The following NRXN1 variants were observed in gnomAD, a reference collection of about 807,000 sequenced individuals.
NRXN1 encodes the protein neurexin-1.
NRXN1 carries 39 observed loss-of-function variants against 150.9 expected under a neutral mutation model. That is an observed-to-expected ratio of 0.26 (90% CI 0.20 to 0.34). The LOEUF is 0.34. Ranked by LOEUF, NRXN1 falls within the 10% of genes least tolerant of loss-of-function variation. The probability of loss-of-function intolerance (pLI) is 1.00; values close to 1 mark genes in which losing one functional copy is unlikely to be tolerated. For missense variants in NRXN1, 1,815 were observed against 1,949.9 expected (o/e 0.93, Z 1.30); for synonymous variants, 924 against 757.0 (o/e 1.22, Z -3.62).
intron 22 of NRXN1, among the ~76,000 whole-genome samples, chr2:49,943,308 G>A (rs1023333605): frequency 2.0e-5 from 3 of 152,068 alleles, no homozygotes; most frequent in African/African-American, 7.2e-5. Context: ...GTGAGTGGTG[G>A]GGACTTTTTG....
rs1034140795 is a variant in NRXN1, at chr2:50,825,710, T to G, written c.832+96159A>C. ...ACTTCTGTGAGCTGCTCTCGCAAATTAATGGAACCCAAGGATGGGGTCTAC... is the reference window on the plus strand; with the variant it reads ...ACTTCTGTGAGCTGCTCTCGCAAATGAATGGAACCCAAGGATGGGGTCTAC... On this transcript the variant is annotated intron_variant, in intron 5 of 22. Transcript: ENST00000401669. 5.3e-5 allele frequency among the ~76,000 whole-genome samples: 8 copies of G among 152,202 alleles called. 1 individual carries two copies. The highest frequency in any genetic ancestry group is 1.2e-4 in the Non-Finnish European group (8 of 68,042).
intron 21 of NRXN1, among the ~76,000 whole-genome samples, chr2:50,008,850 T>C (rs1685183260): frequency 6.6e-6 from 1 of 152,118 alleles, no homozygotes; most frequent in East Asian, 1.9e-4. Flanking sequence ...ACAAGCTTAC[T>C]CTACATTATA....
chr2:50,441,889 T>C lies in NRXN1; in HGVS notation c.3364+23553A>G, dbSNP rs150467236. Among the ~76,000 whole-genome samples the C allele has an allele frequency of 1.3e-4, 20 of 152,308 alleles. No individual in the cohort carries two copies. In the East Asian group the frequency reaches 3.9e-3, roughly 29 times the overall value. ...CAGATACACCTACTATTCAATTCTG[T>C]ATTGTCAAAAATCTTGGAAAGAATC... On this transcript the variant is annotated intron_variant, in intron 17 of 22. Coordinates refer to ENST00000401669, the MANE Select transcript of NRXN1 (RefSeq NM_001330078.2).
In NRXN1 at chr2:51,028,086, G is replaced by A. The variant is rs1007566859; in HGVS notation, c.188C>T (p.Ala63Val). Residue 63 changes from alanine (A) to valine (V), a missense_variant, in exon 2 of 23, where the codon GCC becomes GTC. Ala to Val is a moderately conservative substitution (Grantham distance 64). Around this residue, in one of 6 missense-constraint regions of NRXN1, gnomAD observed 554 missense variants for 478.8 expected, o/e 1.16. Coordinates refer to ENST00000401669, the MANE Select transcript of NRXN1 (RefSeq NM_001330078.2). Reference protein sequence around the residue: ...EMSFQLKTRSARGLVLYFDDE... With the variant: ...EMSFQLKTRSVRGLVLYFDDE... ...GTCGAAGTAGAGCACGAGGCCGCGGGCGCTGCGAGTCTTGAGCTGGAAGCT... is the reference window on the plus strand; with the variant it reads ...GTCGAAGTAGAGCACGAGGCCGCGGACGCTGCGAGTCTTGAGCTGGAAGCT... The A allele has an allele frequency of 3.8e-6, 6 of 1,586,590 alleles. No homozygotes were observed. The highest frequency in any genetic ancestry group is 2.3e-5 in the East Asian group (1 of 44,122).
At chr2:50,466,325 C>A in intron 16 of NRXN1, 1 of 365,310 alleles carries the variant, frequency 2.7e-6, no homozygotes, top group Non-Finnish European at 5.4e-6. Context: ...GCTTCTTGCA[C>A]AACGTTCAAG....
intron 5 of NRXN1, among the ~76,000 whole-genome samples, chr2:50,768,538 C>T (rs549041224): frequency 6.6e-6 from 1 of 151,838 alleles, no homozygotes; most frequent in South Asian, 2.1e-4. Context: ...AACTCCTGAG[C>T]TCAAGTGATC....
Position 50,459,390 on chromosome 2 carries a change from G to A in NRXN1, c.3364+6052C>T, listed in dbSNP as rs116508076. The stretch of plus-strand genomic sequence containing the variant: ...TAAACTTGTGTCACATGGGTTTGTT[G>A]TACAGATCACTTCATCACCCAGGTA... On this transcript the variant is annotated intron_variant, in intron 17 of 22. Transcript: ENST00000401669. Among the ~76,000 whole-genome samples, 565 of 152,144 alleles carry A rather than the reference G, an allele frequency of 3.7e-3. 3 individuals are homozygous for A. The highest frequency in any genetic ancestry group is 0.013 in the African/African-American group (539 of 41,508).
chr2:50,474,058 G>C (rs1025391881), intron 15 of NRXN1, among the ~76,000 whole-genome samples: 7 of 151,832 alleles, frequency 4.6e-5, no homozygotes, highest in African/African-American at 1.7e-4. Flanking sequence ...TTTACATAAA[G>C]CAAAGTCTAC....
intron 5 of NRXN1, among the ~76,000 whole-genome samples, chr2:50,631,889 G>C (rs1682386467): frequency 6.6e-6 from 1 of 151,894 alleles, no homozygotes; most frequent in African/African-American, 2.4e-5. Flanking sequence ...ATAAGAACTA[G>C]ATGCTGTATC....
At chr2:50,287,017 G>T (rs1210687570) in intron 17 of NRXN1, among the ~76,000 whole-genome samples, 4 of 151,964 alleles carry the variant, frequency 2.6e-5, no homozygotes, top group Non-Finnish European at 5.9e-5. Context: ...TTTGTTGAAG[G>T]TGCTTTGTAA....
At chr2:50,464,657 C>T (rs988855036) in intron 17 of NRXN1, among the ~76,000 whole-genome samples, 1 of 151,930 alleles carries the variant, frequency 6.6e-6, no homozygotes, top group African/African-American at 2.4e-5. Flanking sequence ...TATTTTACAA[C>T]CAGGTCAATT....
At chr2:50,634,760 C>A (rs552599735) in intron 5 of NRXN1, among the ~76,000 whole-genome samples, 1 of 152,116 alleles carries the variant, frequency 6.6e-6, no homozygotes, top group East Asian at 1.9e-4. Flanking sequence ...CAAGACCTGG[C>A]CCTTCCAGTT....
At chr2:50,613,715 G>C (rs998353568) in intron 8 of NRXN1, among the ~76,000 whole-genome samples, 6 of 152,146 alleles carry the variant, frequency 3.9e-5, no homozygotes, top group Admixed American at 1.3e-4. Context: ...CAGGTGGGTG[G>C]ATCACAAGGT....
chr2:50,767,919 C>T (rs62140593), intron 5 of NRXN1, among the ~76,000 whole-genome samples: 7,769 of 152,050 alleles, frequency 0.051, 270 homozygotes, highest in Middle Eastern at 0.095. Flanking sequence ...TATAGCTGTA[C>T]GCTAAAAACA....
chr2:50,141,066 G>T (rs11125294), intron 18 of NRXN1, among the ~76,000 whole-genome samples: 25,655 of 151,832 alleles, frequency 0.17, 2,652 homozygotes, highest in East Asian at 0.37. Context: ...AGTATTGAAC[G>T]TATCTAAACA....
At chr2:50,046,727 T>C (rs1211957828) in intron 21 of NRXN1, among the ~76,000 whole-genome samples, 1 of 152,070 alleles carries the variant, frequency 6.6e-6, no homozygotes, top group Non-Finnish European at 1.5e-5. Flanking sequence ...TGCTGGGATA[T>C]AGGTGGGCAT....
chr2:50,781,816 C>T (rs374746807), intron 5 of NRXN1, among the ~76,000 whole-genome samples: 4 of 152,138 alleles, frequency 2.6e-5, no homozygotes, highest in Non-Finnish European at 5.9e-5. Context: ...TGCCTCAATT[C>T]GGATCTGGCT....
intron 17 of NRXN1, among the ~76,000 whole-genome samples, chr2:50,350,019 AGTAGCT>A (rs1256387837): frequency 6.6e-6 from 1 of 152,236 alleles, no homozygotes; most frequent in East Asian, 1.9e-4. Context: ...CATTATTCAC[AGTAGCT>A]GTGGCAAATA....
intron 9 of NRXN1, among the ~76,000 whole-genome samples, chr2:50,546,063 A>G (rs1053382690): frequency 6.6e-6 from 1 of 152,082 alleles, no homozygotes; most frequent in African/African-American, 2.4e-5. Context: ...AACCCACAAA[A>G]AATGGGGGGC....
Sources: gnomAD v4.1 joint callset for allele counts (sites outside exome capture counted in the v4.1 genomes callset) on GRCh38, gnomAD v4.1.1 for gene constraint, gnomAD v4.1.1 regional missense constraint, MANE v1.5 for transcripts, NCBI Gene and HGNC (gene_info 2026-07-23, HGNC 2026-07-21) for gene names.